Variants in NPSR1 observed in about 807,000 individuals in gnomAD.
NPSR1 encodes neuropeptide S receptor.
Under a neutral mutation model 46.9 loss-of-function variants are expected in NPSR1, and 48 were observed. The observed-to-expected ratio is 1.02, with a 90% CI of 0.81 to 1.30. The LOEUF is 1.30. Among genes scored for constraint, NPSR1 ranks in the 50% most tolerant of loss-of-function variants. NPSR1 has a pLI of 0.00. For missense variants in NPSR1, 450 were observed against 449.5 expected (o/e 1.00, Z -0.01); for synonymous variants, 176 against 168.1 (o/e 1.05, Z -0.36).
chr7:34,736,754 C>G (rs1185834728), intron 2 of NPSR1, among the ~76,000 whole-genome samples: 1 of 152,066 alleles, frequency 6.6e-6, no homozygotes, highest in Non-Finnish European at 1.5e-5. Flanking sequence ...TCATGCAGTA[C>G]CACAATCAGC....
chr7:34,834,461 G>GT lies in NPSR1; in HGVS notation c.757+2dup. 1 of 1,606,796 alleles carries GT rather than the reference G, an allele frequency of 6.2e-7. No homozygotes were observed. Among genetic ancestry groups the GT allele is most frequent in the Non-Finnish European group, 8.5e-7 (1 of 1,173,492 alleles). On this transcript the variant is annotated splice_donor_variant, in intron 6 of 8. Coordinates refer to ENST00000360581, the MANE Select transcript of NPSR1 (RefSeq NM_207172.2). LOFTEE classifies it high-confidence loss of function. ...GAAACAGTGATTTCCAACTGCTCAGGTAAGTCTCTACTCTGCATGGCCCAA... is the reference window on the plus strand; with the variant it reads ...GAAACAGTGATTTCCAACTGCTCAGGTTAAGTCTCTACTCTGCATGGCCCAA...
chr7:34,727,123 GAGTATAT>G (rs1784195683), intron 2 of NPSR1, among the ~76,000 whole-genome samples: 1 of 152,050 alleles, frequency 6.6e-6, no homozygotes, highest in Non-Finnish European at 1.5e-5. Flanking sequence ...TGGGAGCAGA[GAGTATAT>G]AGAAACTCTG....
chr7:34,868,389 GA>G (rs1423618190), intron 8 of NPSR1, among the ~76,000 whole-genome samples: 6 of 151,626 alleles, frequency 4.0e-5, no homozygotes, highest in Non-Finnish European at 5.9e-5. Flanking sequence ...CAAACAAGGA[GA>G]AAATCAAAGT....
intron 1 of NPSR1, among the ~76,000 whole-genome samples, chr7:34,679,503 A>G (rs567899830): frequency 1.3e-5 from 2 of 152,102 alleles, no homozygotes; most frequent in African/African-American, 4.8e-5. Flanking sequence ...TTATCATCCG[A>G]GTGTTTTGAT....
downstream of NPSR1, among the ~76,000 whole-genome samples, chr7:34,851,994 C>T (rs2128766100): frequency 6.6e-6 from 1 of 152,182 alleles, no homozygotes; most frequent in South Asian, 2.1e-4. Context: ...ATGATTTAAG[C>T]ATTATGAAAA....
At chr7:34,877,546 C>T (rs1373788421) in intron 8 of NPSR1, among the ~76,000 whole-genome samples, 1 of 152,136 alleles carries the variant, frequency 6.6e-6, no homozygotes, top group East Asian at 1.9e-4. Flanking sequence ...ATAGTGAGTG[C>T]CCAGGTAGCA....
intron 2 of NPSR1, chr7:34,751,499 C>T: frequency 7.2e-7 from 1 of 1,391,576 alleles, no homozygotes; most frequent in Non-Finnish European, 1.0e-6. Context: ...TCATCTGCTG[C>T]CCCAACCAGC....
chr7:34,876,242 C>T (rs1308382649), intron 8 of NPSR1, among the ~76,000 whole-genome samples: 3 of 152,154 alleles, frequency 2.0e-5, no homozygotes, highest in South Asian at 2.1e-4. Flanking sequence ...CATCATGGAG[C>T]AAGATGTCAG....
At chr7:34,731,563 A>G (rs950463704) in intron 2 of NPSR1, among the ~76,000 whole-genome samples, 3 of 152,208 alleles carry the variant, frequency 2.0e-5, no homozygotes, top group Admixed American at 6.5e-5. Flanking sequence ...TATGTAATTC[A>G]AAGAAGTGAT....
At position 34,868,317 on chromosome 7, in the gene NPSR1, A is replaced by C. The variant is rs568407499; in HGVS notation, c.1026-9759A>C. ...GCAGCCCCACTCTGCACCACACAAC[A>C]CTCTGTTACTCCCGCCTGGCCTATT... On this transcript the variant is annotated intron_variant, in intron 8 of 8. Transcript: ENST00000359791. Among the ~76,000 whole-genome samples the C allele has an allele frequency of 4.8e-4, 73 of 151,116 alleles. 1 individual carries two copies. Among genetic ancestry groups the C allele is most frequent in the Admixed American group, 1.6e-3 (25 of 15,240 alleles).
chr7:34,699,225 A>G (rs1793693864), intron 2 of NPSR1, among the ~76,000 whole-genome samples: 1 of 152,186 alleles, frequency 6.6e-6, no homozygotes, highest in African/African-American at 2.4e-5. Flanking sequence ...CACGCCTATA[A>G]TCCCAGCACT....
At chr7:34,815,352 C>A (rs1056191114) in intron 4 of NPSR1, among the ~76,000 whole-genome samples, 2 of 151,956 alleles carry the variant, frequency 1.3e-5, no homozygotes, top group African/African-American at 4.8e-5. Flanking sequence ...TGAAATAAAG[C>A]GAGAAGACAT....
At chr7:34,758,614 G>C (rs1235786853) in intron 2 of NPSR1, among the ~76,000 whole-genome samples, 1 of 152,056 alleles carries the variant, frequency 6.6e-6, no homozygotes, top group African/African-American at 2.4e-5. Context: ...ATAATTTCAG[G>C]TTTACAGAAA....
intron 7 of NPSR1, among the ~76,000 whole-genome samples, chr7:34,846,460 C>T (rs1584137795): frequency 6.6e-6 from 1 of 151,748 alleles, no homozygotes; most frequent in Non-Finnish European, 1.5e-5. Context: ...ATATATTGCC[C>T]AAAAAATAAT....
chr7:34,778,997 T>C (rs1240488326), intron 3 of NPSR1, among the ~76,000 whole-genome samples: 2 of 152,204 alleles, frequency 1.3e-5, no homozygotes, highest in Admixed American at 1.3e-4. Context: ...ACTGCCTAAA[T>C]TATACTTTTT....
Position 34,671,699 on chromosome 7 carries a change from G to A in NPSR1, c.148-12853G>A, listed in dbSNP as rs1792067937. On this transcript the variant is annotated intron_variant, in intron 1 of 8. Transcript: ENST00000360581. ...TGCAAGAGTAGCAATTCCAGACTCT[G>A]TAGCAGGAATCCTTCTGCTGAGCCT... Among the ~76,000 whole-genome samples the A allele has an allele frequency of 2.0e-5, 3 of 152,182 alleles. No homozygotes were observed. The South Asian group carries it at 6.2e-4, about 32-fold the overall frequency.
At chr7:34,748,976 A>C (rs1237342822) in intron 2 of NPSR1, among the ~76,000 whole-genome samples, 1 of 152,138 alleles carries the variant, frequency 6.6e-6, no homozygotes, top group Non-Finnish European at 1.5e-5. Context: ...GCTACTTGGA[A>C]ACTCTAAGAT....
chr7:34,813,808 G>A (rs933123173), intron 4 of NPSR1, among the ~76,000 whole-genome samples: 1 of 152,230 alleles, frequency 6.6e-6, no homozygotes, highest in African/African-American at 2.4e-5. Flanking sequence ...ATTTTTACAT[G>A]AAGAACATAT....
chr7:34,670,164 T>TA (rs1791975353), intron 1 of NPSR1, among the ~76,000 whole-genome samples: 1 of 152,188 alleles, frequency 6.6e-6, no homozygotes, highest in East Asian at 1.9e-4. Context: ...GCTCAGAAAT[T>TA]TGAACACAAA....
Sources: gnomAD v4.1 joint callset for allele counts (sites outside exome capture counted in the v4.1 genomes callset) on GRCh38, gnomAD v4.1.1 for gene constraint, MANE v1.5 for transcripts, NCBI Gene and HGNC (gene_info 2026-07-23, HGNC 2026-07-21) for gene names.